Variants in KCNMA1 observed in about 807,000 individuals in gnomAD.
The protein encoded by KCNMA1 is potassium calcium-activated channel subfamily M alpha 1, also known as Calcium-activated potassium channel subunit alpha-1.
Under a neutral mutation model 140.0 loss-of-function variants are expected in KCNMA1, and 29 were observed. The ratio of observed to expected loss-of-function variants is 0.21; its 90% confidence interval spans 0.15 to 0.28. The LOEUF is 0.28. Among genes scored for constraint, KCNMA1 ranks in the 10% least tolerant of loss-of-function variants. The probability of loss-of-function intolerance (pLI) is 1.00; values close to 1 mark genes in which losing one functional copy is unlikely to be tolerated. For synonymous variants in KCNMA1, 612 were observed against 611.9 expected, an observed-to-expected ratio of 1.00 and a Z score of 0.00; for missense variants, 880 against 1,602.2, an observed-to-expected ratio of 0.55 and a Z score of 7.70.
At chr10:77,228,247 G>A (rs1160926233) in intron 3 of KCNMA1, among the ~76,000 whole-genome samples, 3 of 152,186 alleles carry the variant, frequency 2.0e-5, no homozygotes, top group African/African-American at 7.2e-5. Flanking sequence ...TTACAGGCGT[G>A]AGCCACCACA....
chr10:77,606,458 A>C (rs2084556499), intron 1 of KCNMA1, among the ~76,000 whole-genome samples: 1 of 152,082 alleles, frequency 6.6e-6, no homozygotes, highest in South Asian at 2.1e-4. Context: ...AATAATTAAA[A>C]AATTAGCTGG....
At chr10:77,215,878 G>A (rs2047590831) in intron 3 of KCNMA1, among the ~76,000 whole-genome samples, 1 of 146,112 alleles carries the variant, frequency 6.8e-6, no homozygotes, top group Non-Finnish European at 1.5e-5. Context: ...CCCCCCACCT[G>A]TCTCTCTCTC....
intron 2 of KCNMA1, among the ~76,000 whole-genome samples, chr10:77,306,014 C>A (rs1199515148): frequency 6.6e-6 from 1 of 152,116 alleles, no homozygotes; most frequent in Non-Finnish European, 1.5e-5. Context: ...AAGATGGAAA[C>A]CTAAAGATGT....
chr10:77,296,914 G>C (rs1002574358), intron 2 of KCNMA1, among the ~76,000 whole-genome samples: 1 of 149,904 alleles, frequency 6.7e-6, no homozygotes, highest in Non-Finnish European at 1.5e-5. Context: ...TGTGTGGGCG[G>C]GGGGGCGGTG....
At chr10:77,067,142 T>C (rs1310349504) in intron 14 of KCNMA1, among the ~76,000 whole-genome samples, 2 of 152,132 alleles carry the variant, frequency 1.3e-5, no homozygotes, top group Non-Finnish European at 2.9e-5. Flanking sequence ...AGATTAACAT[T>C]TGAATTTGTG....
At chr10:76,893,590 AT>A (rs2151934536) in intron 25 of KCNMA1, among the ~76,000 whole-genome samples, 1 of 152,164 alleles carries the variant, frequency 6.6e-6, no homozygotes, top group Admixed American at 6.5e-5. Flanking sequence ...AAATAAAAAA[AT>A]TAGCTAGGCA....
intron 1 of KCNMA1, among the ~76,000 whole-genome samples, chr10:77,584,796 G>A (rs2076807069): frequency 6.6e-6 from 1 of 152,186 alleles, no homozygotes; most frequent in South Asian, 2.1e-4. Context: ...CACCTAGGAG[G>A]CTGAGGTCTG....
At chr10:77,590,529 G>T (rs528559207) in intron 1 of KCNMA1, among the ~76,000 whole-genome samples, 43 of 152,200 alleles carry the variant, frequency 2.8e-4, no homozygotes, top group Non-Finnish European at 5.0e-4. Flanking sequence ...GCGCTGGCCC[G>T]CAAGCACCGC....
chr10:76,975,985 C>A (rs1050640491), intron 19 of KCNMA1, among the ~76,000 whole-genome samples: 2 of 152,092 alleles, frequency 1.3e-5, no homozygotes, highest in African/African-American at 4.8e-5. Context: ...ATATCTCAAA[C>A]ATATACACCT....
In KCNMA1 at chr10:77,526,821, CCTCT is replaced by C. The variant is rs148574395; in HGVS notation, c.378+110440_378+110443del. 1.5e-3 allele frequency among the ~76,000 whole-genome samples: 229 copies of C among 149,928 alleles called. 2 individuals carry two copies. Among genetic ancestry groups the C allele is most frequent in the Non-Finnish European group, 3.0e-3 (201 of 67,302 alleles). On this transcript the variant is annotated intron_variant, in intron 1 of 27. Coordinates refer to ENST00000286628, the MANE Select transcript of KCNMA1 (RefSeq NM_001161352.2). ...TAACAGTAGACATGGGTTTCCTTCT[CCTCT>C]CTCTCTCTCTCTCTTCCCCCTCTCC... is the stretch of plus-strand genomic sequence containing the variant.
At chr10:77,326,235 T>C (rs761112926) in intron 2 of KCNMA1, among the ~76,000 whole-genome samples, 2 of 152,176 alleles carry the variant, frequency 1.3e-5, no homozygotes, top group Admixed American at 6.5e-5. Context: ...GTTTTCTCTG[T>C]CCTAATCACT....
At chr10:77,021,476 G>T (rs2092839501) in intron 16 of KCNMA1, among the ~76,000 whole-genome samples, 1 of 152,178 alleles carries the variant, frequency 6.6e-6, no homozygotes, top group South Asian at 2.1e-4. Context: ...CCTCCACTTT[G>T]TCCCTGCTGC....
At chr10:77,053,307 T>C (rs2095435365) in intron 14 of KCNMA1, among the ~76,000 whole-genome samples, 3 of 152,210 alleles carry the variant, frequency 2.0e-5, no homozygotes, top group Admixed American at 6.5e-5. Flanking sequence ...CTGCACTTGC[T>C]GGATGGGTTT....
At chr10:77,382,994 G>GTGTGTGTGTGTGTATATATA (rs1491457588) in intron 2 of KCNMA1, among the ~76,000 whole-genome samples, 2 of 46,436 alleles carry the variant, frequency 4.3e-5, no homozygotes, top group African/African-American at 1.9e-4. Flanking sequence ...GTGTGTGTGT[G>GTGTGTGTGTGTGTATATATA]TATATATATA....
chr10:77,514,765 C>T (rs1165726740), intron 1 of KCNMA1, among the ~76,000 whole-genome samples: 1 of 152,196 alleles, frequency 6.6e-6, no homozygotes, highest in South Asian at 2.1e-4. Context: ...TGGCCCTGGC[C>T]CTGTACTTTC....
In KCNMA1 at chr10:77,039,634, C is replaced by T; in HGVS notation, c.1753G>A (p.Glu585Lys). 1 of 1,587,770 alleles carries T rather than the reference C, an allele frequency of 6.3e-7. No individual in the cohort carries two copies. The highest frequency in any genetic ancestry group is 2.2e-5 in the East Asian group (1 of 44,734). The part of the protein sequence containing the change: ...LFSMRSFIKI[E>K]EDTWQKYYLE... ...TAGTATTTCTGCCATGTGTCTTCCTCAATCTAAAGGAAAGGAACACATGCG... is the reference window on the plus strand; with the variant it reads ...TAGTATTTCTGCCATGTGTCTTCCTTAATCTAAAGGAAAGGAACACATGCG... The change falls in exon 15 of 28, where the codon GAG (glutamate) becomes AAG (lysine). Residue 585 changes from glutamate (E) to lysine (K), a missense_variant. Glu to Lys is a moderately conservative substitution (Grantham distance 56, BLOSUM62 1). This residue lies in a region of KCNMA1 where 198 missense variants were observed against 580.1 expected (regional missense o/e 0.34). Coordinates refer to ENST00000286628, the MANE Select transcript of KCNMA1 (RefSeq NM_001161352.2).
chr10:76,999,709 C>T (rs1209124209), intron 19 of KCNMA1, among the ~76,000 whole-genome samples: 2 of 152,144 alleles, frequency 1.3e-5, no homozygotes, highest in African/African-American at 4.8e-5. Context: ...GAAATCTTTC[C>T]AAGATTTTAG....
At chr10:77,039,730 G>A in intron 14 of KCNMA1, 93 bp from the exon 15 acceptor site, 1 of 775,002 alleles carries the variant, frequency 1.3e-6, no homozygotes, top group South Asian at 1.4e-5. Flanking sequence ...ACAAATGAAT[G>A]CACTGGTTAG....
intron 3 of KCNMA1, among the ~76,000 whole-genome samples, chr10:77,225,281 T>C (rs2050945932): frequency 6.6e-6 from 1 of 152,160 alleles, no homozygotes; most frequent in African/African-American, 2.4e-5. Context: ...AACTGGGTTG[T>C]CTTGAGCACA....
Sources: allele counts gnomAD v4.1 joint callset (sites outside exome capture counted in the v4.1 genomes callset), GRCh38; gene constraint gnomAD v4.1.1; regional missense constraint gnomAD v4.1.1; transcripts MANE v1.5; gene names NCBI Gene and HGNC (gene_info 2026-07-23, HGNC 2026-07-21).